DPP3: variants seen among roughly 807,000 people sequenced by gnomAD.
DPP3 encodes dipeptidyl peptidase 3.
Under a neutral mutation model 89.8 loss-of-function variants are expected in DPP3, and 64 were observed. The ratio of observed to expected loss-of-function variants is 0.71; its 90% CI spans 0.58 to 0.88. The LOEUF (loss-of-function observed/expected upper bound fraction) is 0.88. DPP3 is among the 40% of genes least tolerant of loss of function. The probability of loss-of-function intolerance (pLI) is 0.00; values close to 1 mark genes in which losing one functional copy is unlikely to be tolerated. For missense variants in DPP3, 835 were observed against 972.5 expected, an observed-to-expected ratio of 0.86 and a Z score of 1.88; for synonymous variants, 377 against 404.3, an observed-to-expected ratio of 0.93 and a Z score of 0.81.
At chr11:66,505,708 C>T (rs1002131109) in intron 17 of DPP3, among the ~76,000 whole-genome samples, 3 of 151,104 alleles carry the variant, frequency 2.0e-5, no homozygotes, top group Middle Eastern at 6.8e-3. Flanking sequence ...TTGAGTCAGG[C>T]ATGGTGGCCC....
rs1276514640 is a variant in DPP3 at position 66,492,840 on chromosome 11, T to C, written c.1113T>C (p.Pro371=). The C allele has an allele frequency of 6.2e-7, 1 of 1,613,998 alleles. No individual in the cohort carries two copies. Among genetic ancestry groups the C allele is most frequent in the African/African-American group, 1.3e-5 (1 of 74,924 alleles). ...PTFEKDKFLT[P]DFTSLDVLTF... ...TTGAGAAGGACAAGTTCCTCACCCC[T>C]GACTTCACCTCCCTGGATGTTCTCA... The change falls in exon 10 of 18, where the codon CCT becomes CCC. Residue 371 remains proline (P), a synonymous_variant. Transcript: ENST00000531863.
chr11:66,482,052 A>G (rs1409835705), intron 1 of DPP3, 141 bp from the exon 2 acceptor site: 2 of 1,234,080 alleles, frequency 1.6e-6, no homozygotes, highest in East Asian at 2.6e-5. Context: ...AGCCTCAGTT[A>G]GCATATCTGG....
chr11:66,486,811 C>G (rs1855241982), intron 4 of DPP3, 134 bp downstream of exon 4: 1 of 1,112,174 alleles, frequency 9.0e-7, no homozygotes, highest in Admixed American at 3.3e-5. Context: ...CTGCTCCCCA[C>G]TGCAGGCCTC....
At chr11:66,490,125 C>A (rs1412113617) in intron 6 of DPP3, among the ~76,000 whole-genome samples, 2 of 123,148 alleles carry the variant, frequency 1.6e-5, no homozygotes, top group African/African-American at 6.2e-5. Context: ...ATCAACTGGG[C>A]AACCTTACAA....
At chr11:66,483,461 A>G (rs1020169480) in intron 2 of DPP3, among the ~76,000 whole-genome samples, 4 of 151,904 alleles carry the variant, frequency 2.6e-5, no homozygotes, top group Non-Finnish European at 4.4e-5. Flanking sequence ...TGCTTTTTCC[A>G]TTGAATGCCA....
At chr11:66,507,924 G>GCCTCAGCCTC (rs1855844786) in intron 17 of DPP3, among the ~76,000 whole-genome samples, 1 of 152,090 alleles carries the variant, frequency 6.6e-6, no homozygotes, top group Admixed American at 6.5e-5. Context: ...TGATCCACCC[G>GCCTCAGCCTC]CCTCAGCCTC....
At chr11:66,502,884 C>T (rs1043837853) in intron 16 of DPP3, among the ~76,000 whole-genome samples, 5 of 152,168 alleles carry the variant, frequency 3.3e-5, no homozygotes, top group African/African-American at 1.2e-4. Context: ...CAGGCATGAG[C>T]CACCCGCCCG....
chr11:66,508,689 AT>A (rs1286910016), intron 17 of DPP3, among the ~76,000 whole-genome samples: 17 of 151,960 alleles, frequency 1.1e-4, no homozygotes, highest in Admixed American at 2.6e-4. Context: ...CGCCCAGCTA[AT>A]TTTTTTGTAT....
intron 16 of DPP3, among the ~76,000 whole-genome samples, chr11:66,501,989 C>T (rs1428598043): frequency 1.3e-5 from 2 of 151,780 alleles, no homozygotes; most frequent in Non-Finnish European, 2.9e-5. Context: ...TGAGGTCAAA[C>T]GATTGAGACC....
chr11:66,499,417 G>A (rs1451996131), intron 16 of DPP3, among the ~76,000 whole-genome samples: 1 of 152,038 alleles, frequency 6.6e-6, no homozygotes, highest in African/African-American at 2.4e-5. Flanking sequence ...ATATGGTTAG[G>A]CCCCGCTTAT....
chr11:66,487,484 G>C, intron 5 of DPP3, 142 bp downstream of exon 5: 1 of 859,790 alleles, frequency 1.2e-6, no homozygotes, highest in Non-Finnish European at 1.8e-6. Flanking sequence ...CCCACCCCAG[G>C]CTATAGAGCC....
At chr11:66,481,523 G>A (rs191314765) in intron 1 of DPP3, among the ~76,000 whole-genome samples, 55 of 152,228 alleles carry the variant, frequency 3.6e-4, no homozygotes, top group African/African-American at 1.2e-3. Context: ...AGCAGGGAGG[G>A]GCCTGGGCTG....
rs1855400495 is a variant in DPP3, at chr11:66,491,785, C to T, written c.988+29C>T. On this transcript the variant is annotated intron_variant, in intron 9 of 17. Transcript: ENST00000531863. ...ACTTCCTCAGGGAGGAGGTCAGTCA[C>T]AGTCCCTTCCCCCACATCCAAGTCC... 3.1e-6 allele frequency: 5 copies of T among 1,612,294 alleles called. No homozygotes were observed. The East Asian group carries it at 1.1e-4, about 36-fold the overall frequency.
intron 17 of DPP3, among the ~76,000 whole-genome samples, chr11:66,507,049 C>A (rs1855819003): frequency 6.6e-6 from 1 of 152,044 alleles, no homozygotes; most frequent in Non-Finnish European, 1.5e-5. Flanking sequence ...ATAAATCATG[C>A]CAGCCACATG....
At chr11:66,486,085 C>G (rs1855218837) in intron 3 of DPP3, among the ~76,000 whole-genome samples, 1 of 152,006 alleles carries the variant, frequency 6.6e-6, no homozygotes, top group Non-Finnish European at 1.5e-5. Flanking sequence ...CCACAGATGC[C>G]TGTCACCATG....
At chr11:66,491,888 T>C (rs761893998) in intron 9 of DPP3, 132 bp downstream of exon 9, 58 of 997,022 alleles carry the variant, frequency 5.8e-5, no homozygotes, top group Non-Finnish European at 8.8e-5. Context: ...CCATGGTAAA[T>C]AAACACCGTT....
At chr11:66,489,802 C>T (rs1244093223) in intron 6 of DPP3, among the ~76,000 whole-genome samples, 4 of 152,148 alleles carry the variant, frequency 2.6e-5, no homozygotes, top group South Asian at 2.1e-4. Flanking sequence ...TGCTGGCTGC[C>T]GGCTGGAACC....
At chr11:66,482,757 A>G (rs1480000066) in intron 2 of DPP3, among the ~76,000 whole-genome samples, 2 of 152,216 alleles carry the variant, frequency 1.3e-5, no homozygotes, top group Non-Finnish European at 2.9e-5. Flanking sequence ...GATTCAGGGA[A>G]GGCAGAAGAA....
At position 66,485,282 on chromosome 11, in the gene DPP3, G is replaced by A; in HGVS notation, c.360+20G>A. 1 of 1,611,856 alleles carries A rather than the reference G, an allele frequency of 6.2e-7. No homozygotes were observed. The highest frequency in any genetic ancestry group is 8.5e-7 in the Non-Finnish European group (1 of 1,178,370). On this transcript the variant is annotated intron_variant, in intron 3 of 17. Transcript: ENST00000531863. Reference sequence around the variant, plus strand: ...CCCAAGGTGAGCCAAGGGAGGGTTGGGGAAGGTGGGGATGGGGGGCTGGTG... The same window carrying A: ...CCCAAGGTGAGCCAAGGGAGGGTTGAGGAAGGTGGGGATGGGGGGCTGGTG...
Sources: gnomAD v4.1 joint callset for allele counts (sites outside exome capture counted in the v4.1 genomes callset) on GRCh38, gnomAD v4.1.1 for gene constraint, MANE v1.5 for transcripts, NCBI Gene and HGNC (gene_info 2026-07-23, HGNC 2026-07-21) for gene names.